LRFN2: variants seen among roughly 807,000 people sequenced by gnomAD.
LRFN2 encodes the protein leucine rich repeat and fibronectin type III domain containing 2.
LRFN2 carries 18 observed loss-of-function variants against 37.3 expected under a neutral mutation model. That is an observed-to-expected ratio of 0.48 (90% CI 0.33 to 0.72). The LOEUF is 0.72. Ranked by LOEUF, LRFN2 falls within the 30% of genes least tolerant of loss-of-function variation. LRFN2 has a pLI of 0.02. For synonymous variants in LRFN2, 556 were observed against 466.6 expected (o/e 1.19, Z -2.47); for missense variants, 1,006 against 1,060.7 (o/e 0.95, Z 0.72).
chr6:40,506,347 G>A (rs1765537056), intron 1 of LRFN2, among the ~76,000 whole-genome samples: 1 of 152,180 alleles, frequency 6.6e-6, no homozygotes, highest in African/African-American at 2.4e-5. Flanking sequence ...TGAACTGAAA[G>A]CAGAGTTCTG....
At chr6:40,411,066 G>A (rs1178873684) in intron 2 of LRFN2, among the ~76,000 whole-genome samples, 1 of 152,232 alleles carries the variant, frequency 6.6e-6, no homozygotes, top group African/African-American at 2.4e-5. Flanking sequence ...AAGTAATCAT[G>A]TAAATAAATC....
intron 1 of LRFN2, among the ~76,000 whole-genome samples, chr6:40,576,536 G>C (rs1456447910): frequency 6.6e-6 from 1 of 152,232 alleles, no homozygotes; most frequent in Non-Finnish European, 1.5e-5. Flanking sequence ...CCACCACTGG[G>C]TCCCACCGGC....
chr6:40,442,858 G>T (rs1248361584), intron 1 of LRFN2, among the ~76,000 whole-genome samples: 1 of 152,166 alleles, frequency 6.6e-6, no homozygotes, highest in Non-Finnish European at 1.5e-5. Flanking sequence ...GGCCTCAGCA[G>T]GGGCTGGCCA....
chr6:40,442,882 G>A lies in LRFN2; in HGVS notation c.-18-9751C>T, dbSNP rs182773919. Among the ~76,000 whole-genome samples the A allele has an allele frequency of 3.3e-5, 5 of 152,268 alleles. No individual in the cohort carries two copies. In the East Asian group the frequency reaches 9.7e-4, roughly 30 times the overall value. ...AGGGGCTGGCCACGCTGCGTCTCTTGAGCATCATGTCCTCAGGCTGCTCTG... is the reference window on the plus strand; with the variant it reads ...AGGGGCTGGCCACGCTGCGTCTCTTAAGCATCATGTCCTCAGGCTGCTCTG... On this transcript the variant is annotated intron_variant, in intron 1 of 2. Coordinates refer to ENST00000338305, the MANE Select transcript of LRFN2 (RefSeq NM_020737.3).
chr6:40,553,765 C>T (rs72853061), intron 1 of LRFN2, among the ~76,000 whole-genome samples: 9,736 of 152,270 alleles, frequency 0.064, 414 homozygotes, highest in Middle Eastern at 0.16. Flanking sequence ...AGTAGTCTTA[C>T]AGGTGGATAA....
intron 1 of LRFN2, among the ~76,000 whole-genome samples, chr6:40,522,420 G>GC (rs1766105565): frequency 6.6e-6 from 1 of 152,100 alleles, no homozygotes; most frequent in South Asian, 2.1e-4. Flanking sequence ...GCACAGGCTT[G>GC]CCCCAATCTC....
rs113256987 is a variant in LRFN2, at chr6:40,489,916, C to G, written c.-18-56785G>C. On this transcript the variant is annotated intron_variant, in intron 1 of 2. Coordinates refer to ENST00000338305, the MANE Select transcript of LRFN2 (RefSeq NM_020737.3). ...CCCCCAGCTCATCTCCCCACTTGCA[C>G]CACCTCAGCCCCAGCTGCTGCTCCC... Among the ~76,000 whole-genome samples, 1,014 of 152,320 alleles carry G rather than the reference C, an allele frequency of 6.7e-3. 10 individuals are homozygous for G. Among genetic ancestry groups the G allele is most frequent in the African/African-American group, 0.022 (917 of 41,560 alleles).
intron 2 of LRFN2, among the ~76,000 whole-genome samples, chr6:40,401,882 C>T (rs1419717163): frequency 1.3e-5 from 2 of 152,146 alleles, no homozygotes; most frequent in Non-Finnish European, 2.9e-5. Context: ...GCCTGTTGAG[C>T]CTCAGCACTA....
chr6:40,403,323 A>C (rs1274235957), intron 2 of LRFN2, among the ~76,000 whole-genome samples: 2 of 148,450 alleles, frequency 1.3e-5, no homozygotes, highest in Admixed American at 6.8e-5. Context: ...TGGGGGAAGC[A>C]CATGTCTGCT....
At chr6:40,522,149 G>C (rs1766093789) in intron 1 of LRFN2, among the ~76,000 whole-genome samples, 1 of 152,186 alleles carries the variant, frequency 6.6e-6, no homozygotes, top group Non-Finnish European at 1.5e-5. Flanking sequence ...AGGTGGCAGG[G>C]AGCTGGGGCA....
intron 1 of LRFN2, among the ~76,000 whole-genome samples, chr6:40,477,296 C>G (rs1274496563): frequency 6.6e-6 from 1 of 152,132 alleles, no homozygotes; most frequent in African/African-American, 2.4e-5. Flanking sequence ...TGGCTCATCT[C>G]CTGAGTCAAG....
intron 1 of LRFN2, among the ~76,000 whole-genome samples, chr6:40,534,860 C>T (rs1004626536): frequency 2.6e-5 from 4 of 152,122 alleles, no homozygotes; most frequent in African/African-American, 9.7e-5. Flanking sequence ...ATGCCAGGTG[C>T]CCCGCGCCCA....
At chr6:40,415,604 A>G (rs1332371201) in intron 2 of LRFN2, among the ~76,000 whole-genome samples, 1 of 152,136 alleles carries the variant, frequency 6.6e-6, no homozygotes, top group Non-Finnish European at 1.5e-5. Context: ...GTTCCCCAGG[A>G]CCTGCTCTAG....
intron 1 of LRFN2, among the ~76,000 whole-genome samples, chr6:40,457,668 G>C (rs140210859): frequency 1.3e-5 from 2 of 150,270 alleles, no homozygotes; most frequent in African/African-American, 2.5e-5. Context: ...AAGAGAGGGA[G>C]AGAAAGGAGA....
chr6:40,532,148 G>A (rs533170786), intron 1 of LRFN2, among the ~76,000 whole-genome samples: 3 of 152,158 alleles, frequency 2.0e-5, no homozygotes, highest in Non-Finnish European at 2.9e-5. Flanking sequence ...AAGCCTTACC[G>A]TGGGCCCACT....
intron 1 of LRFN2, among the ~76,000 whole-genome samples, chr6:40,511,690 G>C (rs886837394): frequency 6.6e-6 from 1 of 152,162 alleles, no homozygotes. Context: ...AGGGAGGAAG[G>C]GCAGGGCACC....
intron 1 of LRFN2, among the ~76,000 whole-genome samples, chr6:40,539,909 G>C (rs779612994): frequency 6.6e-6 from 1 of 152,124 alleles, no homozygotes; most frequent in Non-Finnish European, 1.5e-5. Flanking sequence ...GTAACCAAGA[G>C]AGGATAATCC....
chr6:40,547,055 C>T (rs1237644699), intron 1 of LRFN2, among the ~76,000 whole-genome samples: 3 of 150,784 alleles, frequency 2.0e-5, no homozygotes, highest in Non-Finnish European at 4.4e-5. Context: ...TCATATTTTA[C>T]GGATGTAAGA....
intron 1 of LRFN2, among the ~76,000 whole-genome samples, chr6:40,487,651 C>G (rs1764994371): frequency 6.6e-6 from 1 of 152,200 alleles, no homozygotes; most frequent in South Asian, 2.1e-4. Flanking sequence ...AACTGTGAAA[C>G]TGATGGGGGA....
Sources: gnomAD v4.1 joint callset for allele counts (sites outside exome capture counted in the v4.1 genomes callset) on GRCh38, gnomAD v4.1.1 for gene constraint, MANE v1.5 for transcripts, NCBI Gene and HGNC (gene_info 2026-07-23, HGNC 2026-07-21) for gene names.